CACNA2D1: variants seen among roughly 807,000 people sequenced by gnomAD.
The protein encoded by CACNA2D1 is voltage-dependent calcium channel subunit alpha-2/delta-1.
CACNA2D1 carries 53 observed loss-of-function variants against 171.5 expected under a neutral mutation model. The ratio of observed to expected loss-of-function variants is 0.31; its 90% CI spans 0.25 to 0.39. The LOEUF is 0.39. CACNA2D1 is among the 10% of genes least tolerant of loss of function. The probability of loss-of-function intolerance (pLI) is 1.00; values close to 1 mark genes in which losing one functional copy is unlikely to be tolerated. For missense variants in CACNA2D1, 903 were observed against 1,299.8 expected (o/e 0.69, Z 4.69); for synonymous variants, 442 against 443.1 (o/e 1.00, Z 0.03).
chr7:82,016,468 A>G (rs1408015909), intron 12 of CACNA2D1, among the ~76,000 whole-genome samples: 1 of 152,056 alleles, frequency 6.6e-6, no homozygotes, highest in East Asian at 1.9e-4. Flanking sequence ...AAAAAAATAA[A>G]CAAGTAAGAC....
At chr7:82,150,567 A>T (rs1334039050) in intron 4 of CACNA2D1, among the ~76,000 whole-genome samples, 3 of 152,120 alleles carry the variant, frequency 2.0e-5, no homozygotes, top group African/African-American at 4.8e-5. Context: ...AAAAGTAATG[A>T]CTATGTTCCA....
intron 4 of CACNA2D1, among the ~76,000 whole-genome samples, chr7:82,160,676 G>C (rs867926377): frequency 6.6e-5 from 10 of 151,878 alleles, no homozygotes; most frequent in Non-Finnish European, 1.2e-4. Flanking sequence ...GTCTCCTTAC[G>C]TGGCCCAGGC....
rs1407486611 is a variant in CACNA2D1, at chr7:82,060,215, TATATATA to T, written c.879+206_879+212del. ...TTATATATATATTATATATATAATATATATATAATATATATATATAATATGTATAAAA... is the reference window on the plus strand; with the variant it reads ...TTATATATATATTATATATATAATATATATATATATATAATATGTATAAAA... On this transcript the variant is annotated intron_variant, in intron 10 of 38. Coordinates refer to ENST00000356860, the MANE Select transcript of CACNA2D1 (RefSeq NM_000722.4). Among the ~76,000 whole-genome samples, 20 of 43,548 alleles carry T rather than the reference TATATATA, an allele frequency of 4.6e-4. 1 individual carries two copies. Among genetic ancestry groups the T allele is most frequent in the African/African-American group, 1.4e-3 (20 of 14,662 alleles). The allele number at this position is 43,548 out of a possible 152,430, so 28.6% of individuals were successfully genotyped here.
intron 21 of CACNA2D1, among the ~76,000 whole-genome samples, chr7:81,990,616 GA>G (rs1304534596): frequency 2.0e-5 from 3 of 152,150 alleles, no homozygotes; most frequent in African/African-American, 7.2e-5. Flanking sequence ...GACTTCAGAG[GA>G]AGCAGTGAGC....
At chr7:82,373,910 A>T (rs573550637) in intron 1 of CACNA2D1, among the ~76,000 whole-genome samples, 1 of 152,370 alleles carries the variant, frequency 6.6e-6, no homozygotes, top group African/African-American at 2.4e-5. Flanking sequence ...TGTACGAAAA[A>T]AGTAAATCAT....
intron 4 of CACNA2D1, among the ~76,000 whole-genome samples, chr7:82,149,796 A>AAAAAAAAAAAAAG (rs1793595825): frequency 1.5e-5 from 2 of 136,774 alleles, no homozygotes; most frequent in Non-Finnish European, 3.2e-5. Flanking sequence ...ACAAACAACA[A>AAAAAAAAAAAAAG]AAAAAAAAAC....
chr7:82,155,420 A>G (rs900038716), intron 4 of CACNA2D1, among the ~76,000 whole-genome samples: 4 of 152,330 alleles, frequency 2.6e-5, no homozygotes, highest in African/African-American at 9.6e-5. Flanking sequence ...ATCCAGGTCT[A>G]TCAACCACAA....
intron 1 of CACNA2D1, among the ~76,000 whole-genome samples, chr7:82,411,564 T>G (rs1827666271): frequency 6.6e-6 from 1 of 152,144 alleles, no homozygotes; most frequent in African/African-American, 2.4e-5. Flanking sequence ...TTATTTAAAA[T>G]ATATTGCTGA....
chr7:82,408,084 G>A (rs1039213566), intron 1 of CACNA2D1, among the ~76,000 whole-genome samples: 1 of 149,030 alleles, frequency 6.7e-6, no homozygotes, highest in African/African-American at 2.5e-5. Context: ...GCAGTGGCAT[G>A]ATCTTGGCTC....
intron 25 of CACNA2D1, among the ~76,000 whole-genome samples, chr7:81,972,739 A>G (rs1795413313): frequency 6.6e-6 from 1 of 152,002 alleles, no homozygotes; most frequent in Admixed American, 6.6e-5. Flanking sequence ...ACCCTCTGAA[A>G]TTGCACATTT....
chr7:82,325,151 T>C (rs949783011), intron 3 of CACNA2D1, among the ~76,000 whole-genome samples: 1 of 152,188 alleles, frequency 6.6e-6, no homozygotes, highest in Non-Finnish European at 1.5e-5. Context: ...AACATTGAGA[T>C]TGGAAGATGT....
intron 21 of CACNA2D1, among the ~76,000 whole-genome samples, chr7:81,987,940 CAA>C (rs1302091848): frequency 1.3e-5 from 2 of 152,072 alleles, no homozygotes; most frequent in African/African-American, 4.8e-5. Context: ...GTTTTGTCAA[CAA>C]AGAGTGACAT....
At chr7:82,193,934 T>G (rs1014254203) in intron 3 of CACNA2D1, among the ~76,000 whole-genome samples, 4 of 152,032 alleles carry the variant, frequency 2.6e-5, no homozygotes, top group Non-Finnish European at 4.4e-5. Context: ...TTATGTCATA[T>G]TTTTAAAAGC....
intron 3 of CACNA2D1, among the ~76,000 whole-genome samples, chr7:82,206,184 T>C (rs1799986677): frequency 6.6e-6 from 1 of 152,024 alleles, no homozygotes; most frequent in African/African-American, 2.4e-5. Context: ...AAATCAAATT[T>C]ACAAGCTCAG....
At chr7:82,427,804 G>T (rs1585924933) in intron 1 of CACNA2D1, among the ~76,000 whole-genome samples, 1 of 152,200 alleles carries the variant, frequency 6.6e-6, no homozygotes, top group South Asian at 2.1e-4. Context: ...CATTAATATG[G>T]TACTAGTTAT....
At chr7:82,186,470 T>C (rs988563199) in intron 3 of CACNA2D1, among the ~76,000 whole-genome samples, 3 of 152,238 alleles carry the variant, frequency 2.0e-5, no homozygotes, top group South Asian at 2.1e-4. Flanking sequence ...CTTCGATGTA[T>C]GTTACAGAGC....
intron 1 of CACNA2D1, among the ~76,000 whole-genome samples, chr7:82,389,670 C>A (rs967609745): frequency 2.0e-5 from 3 of 152,102 alleles, no homozygotes; most frequent in African/African-American, 7.2e-5. Flanking sequence ...TAGAAATTCC[C>A]CATCTCTATT....
intron 6 of CACNA2D1, among the ~76,000 whole-genome samples, chr7:82,088,528 ATTATT>A (rs1347807843): frequency 6.6e-6 from 1 of 152,152 alleles, no homozygotes; most frequent in African/African-American, 2.4e-5. Context: ...AAATGCAATT[ATTATT>A]TTATGTCATA....
chr7:82,435,085 G>C (rs1453512944), intron 1 of CACNA2D1, among the ~76,000 whole-genome samples: 1 of 141,360 alleles, frequency 7.1e-6, no homozygotes, highest in African/African-American at 2.6e-5. Flanking sequence ...ACCCAGGCTG[G>C]AATGCAGTGG....
Sources: gnomAD v4.1 joint callset for allele counts (sites outside exome capture counted in the v4.1 genomes callset) on GRCh38, gnomAD v4.1.1 for gene constraint, MANE v1.5 for transcripts, NCBI Gene and HGNC (gene_info 2026-07-23, HGNC 2026-07-21) for gene names.